The following GSKIP variants were observed in gnomAD, a reference collection of about 807,000 sequenced individuals.
GSKIP encodes GSK3B interacting protein, also known as GSK3B-interacting protein.
A neutral mutation model predicts 11.9 loss-of-function variants in GSKIP; 5 were observed. The observed-to-expected ratio is 0.42, with a 90% CI of 0.22 to 0.89. GSKIP has a LOEUF of 0.89. GSKIP is among the 40% of genes least tolerant of loss of function. The pLI, the probability that GSKIP is intolerant of heterozygous loss-of-function variation, is 0.29. For synonymous variants in GSKIP, 70 were observed against 62.9 expected (o/e 1.11, Z -0.54); for missense variants, 150 against 166.6 (o/e 0.90, Z 0.55).
intron 1 of GSKIP, among the ~76,000 whole-genome samples, chr14:96,377,524 A>C (rs992513070): frequency 8.5e-5 from 13 of 152,184 alleles, no homozygotes; most frequent in African/African-American, 2.9e-4. Context: ...TTCCATCTTT[A>C]CCTTCTGTTT....
chr14:96,366,269 T>C (rs1462579805), intron 1 of GSKIP, among the ~76,000 whole-genome samples: 4 of 152,124 alleles, frequency 2.6e-5, no homozygotes, highest in Non-Finnish European at 4.4e-5. Context: ...TCAGCAGTTA[T>C]TAAATAAGTG....
chr14:96,368,505 A>G (rs940572825), intron 1 of GSKIP, among the ~76,000 whole-genome samples: 3 of 152,144 alleles, frequency 2.0e-5, no homozygotes, highest in South Asian at 2.1e-4. Context: ...TAAAAACTCA[A>G]ATTAACCCTG....
At position 96,386,325 on chromosome 14, in the gene GSKIP, G is replaced by A. The variant is rs1439705574; in HGVS notation, c.*641G>A. The A allele has an allele frequency of 6.6e-6, 1 of 152,558 alleles. No homozygotes were observed. Among genetic ancestry groups the A allele is most frequent in the African/African-American group, 2.4e-5 (1 of 41,426 alleles). The allele number at this position is 152,558 out of a possible 1,614,324, so 9.5% of individuals were successfully genotyped here. ...GTGTTTGCAACAGCCAGCCAACTAAGCAGAGGATAAACCGTTAGCAAATGA... is the reference window on the plus strand; with the variant it reads ...GTGTTTGCAACAGCCAGCCAACTAAACAGAGGATAAACCGTTAGCAAATGA... On this transcript the variant is annotated 3_prime_UTR_variant, in exon 4 of 4. Transcript: ENST00000555181.
intron 1 of GSKIP, among the ~76,000 whole-genome samples, chr14:96,378,578 A>G (rs1889263723): frequency 6.6e-6 from 1 of 152,176 alleles, no homozygotes; most frequent in African/African-American, 2.4e-5. Flanking sequence ...TGAAGCCACT[A>G]ATTTGGTAAT....
chr14:96,373,229 CAAAAAAAAA>C (rs57931398), intron 1 of GSKIP, among the ~76,000 whole-genome samples: 1 of 82,812 alleles, frequency 1.2e-5, no homozygotes, highest in Non-Finnish European at 2.2e-5. Context: ...GACTCTGTCT[CAAAAAAAAA>C]AAAAAAAAAA....
chr14:96,383,998 G>C (rs147978591), intron 3 of GSKIP, among the ~76,000 whole-genome samples: 1,633 of 152,242 alleles, frequency 0.011, 28 homozygotes, highest in African/African-American at 0.037. Context: ...GTGATCTTGA[G>C]TGAGTCCGTC....
intron 2 of GSKIP, among the ~76,000 whole-genome samples, chr14:96,380,831 C>T (rs1315500611): frequency 6.6e-6 from 1 of 152,158 alleles, no homozygotes; most frequent in Non-Finnish European, 1.5e-5. Context: ...CTGTGAATAA[C>T]CACTGCACGC....
chr14:96,366,202 T>C (rs1888878573), intron 1 of GSKIP, among the ~76,000 whole-genome samples: 1 of 152,028 alleles, frequency 6.6e-6, no homozygotes, highest in African/African-American at 2.4e-5. Context: ...GAAATTAGAA[T>C]AGGCTTTGGA....
intron 1 of GSKIP, among the ~76,000 whole-genome samples, chr14:96,376,508 C>T (rs1012824657): frequency 2.0e-5 from 3 of 152,164 alleles, no homozygotes; most frequent in Non-Finnish European, 2.9e-5. Context: ...GCTCTTAGAA[C>T]AGTAAAGAAT....
At chr14:96,375,396 C>A (rs550885444) in intron 1 of GSKIP, among the ~76,000 whole-genome samples, 1 of 151,120 alleles carries the variant, frequency 6.6e-6, no homozygotes, top group Non-Finnish European at 1.5e-5. Flanking sequence ...ACCTGAAACT[C>A]GAAAATTTAT....
intron 1 of GSKIP, among the ~76,000 whole-genome samples, chr14:96,372,494 A>G (rs1889074252): frequency 6.6e-6 from 1 of 152,258 alleles, no homozygotes; most frequent in African/African-American, 2.4e-5. Flanking sequence ...TTAGAGGACT[A>G]AAAGTCTTCA....
intron 1 of GSKIP, among the ~76,000 whole-genome samples, chr14:96,372,790 A>C (rs1416210921): frequency 6.6e-6 from 1 of 152,246 alleles, no homozygotes; most frequent in Non-Finnish European, 1.5e-5. Context: ...CAAGAAGGCC[A>C]AGGCAGCTAG....
chr14:96,380,320 G>T (rs983813847), intron 2 of GSKIP: 21 of 152,296 alleles, frequency 1.4e-4, no homozygotes, highest in Admixed American at 1.4e-3. Context: ...CTTTACATAT[G>T]TTATTATAAA....
chr14:96,370,348 A>G (rs1184260291), intron 1 of GSKIP, among the ~76,000 whole-genome samples: 1 of 152,178 alleles, frequency 6.6e-6, no homozygotes, highest in Non-Finnish European at 1.5e-5. Context: ...GAATGTGAGA[A>G]GGACACTAGA....
At chr14:96,379,290 C>T (rs990108627) in intron 1 of GSKIP, among the ~76,000 whole-genome samples, 1 of 152,106 alleles carries the variant, frequency 6.6e-6, no homozygotes, top group Admixed American at 6.5e-5. Flanking sequence ...GGCAACAGAG[C>T]GAGACTCTGT....
chr14:96,386,531 A>T lies in GSKIP; in HGVS notation c.*847A>T, dbSNP rs1349791594. 1 of 152,646 alleles carries T rather than the reference A, an allele frequency of 6.6e-6. No homozygotes were observed. The highest frequency in any genetic ancestry group is 1.5e-5 in the Non-Finnish European group (1 of 68,042). The allele number at this position is 152,646 out of a possible 1,614,324, so 9.5% of individuals were successfully genotyped here. ...TCTTATTCTGAATGTGTGTTTACAT[A>T]ATGTACAGTATATATTCAGAAAGTA... On this transcript the variant is annotated 3_prime_UTR_variant, in exon 4 of 4. Transcript: ENST00000555181.
chr14:96,374,862 A>G (rs1003044683), intron 1 of GSKIP, among the ~76,000 whole-genome samples: 3 of 152,230 alleles, frequency 2.0e-5, no homozygotes, highest in Non-Finnish European at 4.4e-5. Context: ...TGATACAGAT[A>G]ATACATGTAG....
chr14:96,377,447 C>T (rs1889232278), intron 1 of GSKIP, among the ~76,000 whole-genome samples: 1 of 152,222 alleles, frequency 6.6e-6, no homozygotes, highest in South Asian at 2.1e-4. Context: ...TGTATTTTCT[C>T]ATCCTCAATG....
At chr14:96,381,586 T>G (rs1259311120) in intron 2 of GSKIP, among the ~76,000 whole-genome samples, 1 of 152,174 alleles carries the variant, frequency 6.6e-6, no homozygotes, top group African/African-American at 2.4e-5. Flanking sequence ...TTTCATGCAA[T>G]TTAGATTTAT....
Sources: gnomAD v4.1 joint callset for allele counts (sites outside exome capture counted in the v4.1 genomes callset) on GRCh38, gnomAD v4.1.1 for gene constraint, MANE v1.5 for transcripts, NCBI Gene and HGNC (gene_info 2026-07-23, HGNC 2026-07-21) for gene names.